SUSD3: variants seen among roughly 807,000 people sequenced by gnomAD.
The protein encoded by SUSD3 is sushi domain-containing protein 3.
In SUSD3, 18 loss-of-function variants were observed where a neutral mutation model predicts 20.6. The observed-to-expected ratio is 0.87, with a 90% CI of 0.60 to 1.30. SUSD3 has a LOEUF of 1.30. Among genes scored for constraint, SUSD3 ranks in the 50% most tolerant of loss-of-function variants. SUSD3 has a pLI of 0.00. For missense variants in SUSD3, 306 were observed against 346.9 expected, an observed-to-expected ratio of 0.88 and a Z score of 0.94; for synonymous variants, 137 against 141.5, an observed-to-expected ratio of 0.97 and a Z score of 0.23.
At chr9:93,071,702 C>T (rs1022226606) in intron 1 of SUSD3, among the ~76,000 whole-genome samples, 1 of 152,198 alleles carries the variant, frequency 6.6e-6, no homozygotes, top group African/African-American at 2.4e-5. Flanking sequence ...GCAGAAGTGA[C>T]ACAGCATCTA....
chr9:93,080,725 G>A lies in SUSD3; in HGVS notation c.557+1123G>A, dbSNP rs921711697. On this transcript the variant is annotated intron_variant, in intron 4 of 4. Transcript: ENST00000375472. Reference sequence around the variant, plus strand: ...GCAAGTGTCCCTCCACTGTCTCAGCGGCCTCTGACTTGTGGTCTCAGCGTG... The same window carrying A: ...GCAAGTGTCCCTCCACTGTCTCAGCAGCCTCTGACTTGTGGTCTCAGCGTG... Among the ~76,000 whole-genome samples, 7 of 152,200 alleles carry A rather than the reference G, an allele frequency of 4.6e-5. No homozygotes were observed. In the East Asian group the frequency reaches 9.6e-4, roughly 21 times the overall value.
chr9:93,068,864 A>ATATAT (rs143699083), intron 1 of SUSD3, among the ~76,000 whole-genome samples: 10,462 of 152,232 alleles, frequency 0.069, 435 homozygotes, highest in South Asian at 0.11. Context: ...AACTTCAGAT[A>ATATAT]CTATATATGT....
At chr9:93,076,730 T>TA (rs1158055659) in intron 2 of SUSD3, among the ~76,000 whole-genome samples, 6 of 152,186 alleles carry the variant, frequency 3.9e-5, no homozygotes, top group Admixed American at 1.3e-4. Flanking sequence ...AAACCCAAAA[T>TA]ACTAGGATTA....
chr9:93,059,659 C>G (rs1390473595), intron 1 of SUSD3, among the ~76,000 whole-genome samples: 1 of 152,116 alleles, frequency 6.6e-6, no homozygotes, highest in East Asian at 1.9e-4. Context: ...TCAGGCGTTG[C>G]GGGGCTAAGG....
At chr9:93,060,301 G>A (rs1413780256) in intron 1 of SUSD3, among the ~76,000 whole-genome samples, 5 of 152,036 alleles carry the variant, frequency 3.3e-5, no homozygotes, top group Admixed American at 6.5e-5. Context: ...GGGGTGAGTC[G>A]CTGTACCTCT....
At chr9:93,067,987 G>C (rs546874852) in intron 1 of SUSD3, among the ~76,000 whole-genome samples, 3 of 152,174 alleles carry the variant, frequency 2.0e-5, no homozygotes, top group Non-Finnish European at 2.9e-5. Flanking sequence ...GAATCTTCTT[G>C]TGCTTATTGG....
chr9:93,062,796 C>T (rs192941592), intron 1 of SUSD3, among the ~76,000 whole-genome samples: 4 of 152,294 alleles, frequency 2.6e-5, no homozygotes, highest in Admixed American at 6.5e-5. Flanking sequence ...GATCCACCAG[C>T]TCCATCCTCA....
At chr9:93,075,234 G>A (rs1366951233) in intron 1 of SUSD3, among the ~76,000 whole-genome samples, 1 of 151,924 alleles carries the variant, frequency 6.6e-6, no homozygotes, top group African/African-American at 2.4e-5. Flanking sequence ...AGTTTTCATT[G>A]ATGTGTAAGA....
Position 93,079,458 on chromosome 9 carries a change from A to C in SUSD3, c.426-13A>C. Reference sequence around the variant, plus strand: ...TGCATGCTCAGAGTCCTTCCTCCCAAACTCTCCTCCAGGTCAGCCCAGCTG... The same window carrying C: ...TGCATGCTCAGAGTCCTTCCTCCCACACTCTCCTCCAGGTCAGCCCAGCTG... On this transcript the variant is annotated splice_polypyrimidine_tract_variant and intron_variant, in intron 3 of 4. Coordinates refer to ENST00000375472, the MANE Select transcript of SUSD3 (RefSeq NM_145006.4). The C allele has an allele frequency of 1.9e-6, 3 of 1,613,354 alleles. No individual in the cohort carries two copies. The highest frequency in any genetic ancestry group is 2.5e-6 in the Non-Finnish European group (3 of 1,179,606).
chr9:93,081,152 T>G (rs147363784), intron 4 of SUSD3, among the ~76,000 whole-genome samples: 346 of 152,258 alleles, frequency 2.3e-3, no homozygotes, highest in African/African-American at 7.5e-3. Context: ...TCCATCCCCA[T>G]CAGTCTGTGA....
At chr9:93,083,810 C>T (rs1826524090) in intron 4 of SUSD3, among the ~76,000 whole-genome samples, 1 of 152,108 alleles carries the variant, frequency 6.6e-6, no homozygotes, top group African/African-American at 2.4e-5. Flanking sequence ...TGGGTGGGAG[C>T]CGTGATCCAG....
At chr9:93,084,229 C>T (rs771056154) in intron 4 of SUSD3, among the ~76,000 whole-genome samples, 11 of 152,104 alleles carry the variant, frequency 7.2e-5, no homozygotes, top group Non-Finnish European at 1.0e-4. Flanking sequence ...GTGGTTTCTG[C>T]ACACTCTGAA....
At chr9:93,067,610 T>C (rs971410460) in intron 1 of SUSD3, among the ~76,000 whole-genome samples, 1 of 152,066 alleles carries the variant, frequency 6.6e-6, no homozygotes, top group Admixed American at 6.6e-5. Flanking sequence ...TTTTTTTTTT[T>C]TTTTCTTGAA....
At chr9:93,083,343 C>T (rs1032575928) in intron 4 of SUSD3, among the ~76,000 whole-genome samples, 12 of 152,058 alleles carry the variant, frequency 7.9e-5, no homozygotes, top group African/African-American at 2.9e-4. Flanking sequence ...TCCCTGAGTC[C>T]CCAGCCCTGG....
chr9:93,067,045 A>G (rs1457357337), intron 1 of SUSD3, among the ~76,000 whole-genome samples: 1 of 152,162 alleles, frequency 6.6e-6, no homozygotes, highest in African/African-American at 2.4e-5. Flanking sequence ...ATCACTGCAT[A>G]AGAAGATCCC....
chr9:93,077,787 C>A (rs1826226522), intron 2 of SUSD3, 59 bp from the exon 3 acceptor site: 4 of 1,606,040 alleles, frequency 2.5e-6, no homozygotes, highest in Non-Finnish European at 3.4e-6. Context: ...CCCCCAACCC[C>A]TGGGCCAAGC....
At chr9:93,077,140 T>A (rs1026141565) in intron 2 of SUSD3, among the ~76,000 whole-genome samples, 2 of 152,186 alleles carry the variant, frequency 1.3e-5, no homozygotes, top group Non-Finnish European at 2.9e-5. Context: ...CCGAGGCCTT[T>A]TTTAGCCAGA....
chr9:93,084,482 G>A, intron 4 of SUSD3, 55 bp from the exon 5 acceptor site: 1 of 1,473,468 alleles, frequency 6.8e-7, no homozygotes, highest in South Asian at 1.4e-5. Context: ...GTATGGAGTT[G>A]GGGATTAAAC....
chr9:93,077,894 C>A lies in SUSD3; in HGVS notation c.326C>A (p.Ser109Tyr), dbSNP rs1047003058. ...GGCTTCAAGGTGGCCGTGATCGCCT[C>A]CATTGTGAGCTGTGCCATCATCCTG... ...TFGFKVAVIA[S>Y]IVSCAIILLM... Residue 109 changes from serine (S) to tyrosine (Y), a missense_variant, in exon 3 of 5, where the codon TCC becomes TAC. Transcript: ENST00000375472. 2 of 1,614,114 alleles carry A rather than the reference C, an allele frequency of 1.2e-6. No homozygotes were observed. The highest frequency in any genetic ancestry group is 1.7e-6 in the Non-Finnish European group (2 of 1,180,030).
Sources: gnomAD v4.1 joint callset for allele counts (sites outside exome capture counted in the v4.1 genomes callset) on GRCh38, gnomAD v4.1.1 for gene constraint, MANE v1.5 for transcripts, NCBI Gene and HGNC (gene_info 2026-07-23, HGNC 2026-07-21) for gene names.